ACAD10: variants seen among roughly 807,000 people sequenced by gnomAD.
ACAD10 encodes acyl-CoA dehydrogenase family member 10, also known as ACAD-10.
In ACAD10, 112 loss-of-function variants were observed where a neutral mutation model predicts 116.8. That is an observed-to-expected ratio of 0.96 (90% CI 0.82 to 1.12). The LOEUF (loss-of-function observed/expected upper bound fraction) is 1.12, where lower values mean the gene tolerates loss of function less well. Among genes scored for constraint, ACAD10 ranks in the 50% most tolerant of loss-of-function variants. ACAD10 has a pLI of 0.00. For missense variants in ACAD10, 1,259 were observed against 1,350.2 expected (o/e 0.93, Z 1.06); for synonymous variants, 486 against 510.6 (o/e 0.95, Z 0.65).
chr12:111,689,604 C>T (rs893093111), intron 1 of ACAD10, among the ~76,000 whole-genome samples: 2 of 151,730 alleles, frequency 1.3e-5, no homozygotes, highest in South Asian at 2.1e-4. Context: ...CTCGAACTCT[C>T]GACCTCAGGT....
intron 2 of ACAD10, among the ~76,000 whole-genome samples, chr12:111,694,195 A>G (rs1460685726): frequency 6.6e-6 from 1 of 152,150 alleles, no homozygotes; most frequent in Non-Finnish European, 1.5e-5. Context: ...AACTGGCTGC[A>G]CAAGCTGGTT....
chr12:111,722,587 C>CT (rs1889048440), intron 8 of ACAD10, among the ~76,000 whole-genome samples: 1 of 151,650 alleles, frequency 6.6e-6, no homozygotes, highest in African/African-American at 2.4e-5. Flanking sequence ...GGTGATGACT[C>CT]TTAACGAGCA....
At chr12:111,706,782 A>ATATTTTTTTTTT (rs778649893) in intron 4 of ACAD10, among the ~76,000 whole-genome samples, 12 of 126,502 alleles carry the variant, frequency 9.5e-5, no homozygotes, top group African/African-American at 3.5e-4. Context: ...ATATATATAT[A>ATATTTTTTTTTT]TTTTTTTTTT....
intron 2 of ACAD10, among the ~76,000 whole-genome samples, chr12:111,698,115 C>T (rs550756738): frequency 2.6e-5 from 4 of 151,790 alleles, no homozygotes; most frequent in African/African-American, 9.7e-5. Context: ...CTTCCTCAGC[C>T]TCTCGAGTAG....
In ACAD10 at chr12:111,709,619, A is replaced by G. The variant is rs367967897; in HGVS notation, c.625A>G (p.Ile209Val). 28 of 1,613,950 alleles carry G rather than the reference A, an allele frequency of 1.7e-5. No individual in the cohort carries two copies. The highest frequency in any genetic ancestry group is 2.4e-5 in the Non-Finnish European group (28 of 1,180,006). The change falls in exon 5 of 21, where the codon ATC becomes GTC. Residue 209 changes from isoleucine to valine, a missense_variant. Physicochemically the swap from Ile to Val is conservative, Grantham distance 29. Transcript: ENST00000313698. Reference protein sequence around the residue: ...EQLGLQPSESIFLDDLGTNLK... With the variant: ...EQLGLQPSESVFLDDLGTNLK... ...GCTCGGCCTGCAGCCCTCTGAGTCC[A>G]TCTTTCTTGATGACCTTGGAACAAA...
chr12:111,744,964 A>G lies in ACAD10; in HGVS notation c.2036A>G (p.Tyr679Cys), dbSNP rs1478839309. ...RLKHFMEQRVYPAEPELQSHQ... is the reference protein window; with the variant it reads ...RLKHFMEQRVCPAEPELQSHQ... ...AAGCACTTCATGGAGCAACGTGTGT[A>G]CCCTGCAGAGCCAGAGCTGCAGAGT... is the stretch of plus-strand genomic sequence containing the variant. The change falls in exon 13 of 21, where the codon TAC becomes TGC. Residue 679 changes from tyrosine to cysteine, a missense_variant. By Grantham distance (194) the Tyr-to-Cys change is radical. Coordinates refer to ENST00000313698, the MANE Select transcript of ACAD10 (RefSeq NM_025247.6). 2 of 1,614,100 alleles carry G rather than the reference A, an allele frequency of 1.2e-6. No homozygotes were observed. Among genetic ancestry groups the G allele is most frequent in the Non-Finnish European group, 1.7e-6 (2 of 1,180,026 alleles).
At chr12:111,689,254 A>G (rs1486119283) in intron 1 of ACAD10, among the ~76,000 whole-genome samples, 2 of 151,918 alleles carry the variant, frequency 1.3e-5, no homozygotes, top group Non-Finnish European at 2.9e-5. Flanking sequence ...AAATATATAT[A>G]CATGCATATA....
At position 111,748,409 on chromosome 12, in the gene ACAD10, C is replaced by T; in HGVS notation, c.2578C>T (p.Pro860Ser). Residue 860 changes from proline to serine, a missense_variant, in exon 17 of 21, where the codon CCC becomes TCC. Coordinates refer to ENST00000313698, the MANE Select transcript of ACAD10 (RefSeq NM_025247.6). ...CCGGCAGCAGTCTGTGCTCTTGGTT[C>T]CCATGGATACCCCAGGGATAAAAAT... is the stretch of plus-strand genomic sequence containing the variant. ...RHRQQSVLLV[P>S]MDTPGIKIIR... is the part of the protein sequence containing the mutation. 1 of 1,614,120 alleles carries T rather than the reference C, an allele frequency of 6.2e-7. No individual in the cohort carries two copies.
At chr12:111,739,794 A>C (rs1889677415) in intron 12 of ACAD10, among the ~76,000 whole-genome samples, 1 of 152,028 alleles carries the variant, frequency 6.6e-6, no homozygotes, top group Non-Finnish European at 1.5e-5. Context: ...AGAGACTTAA[A>C]AGATACGTTA....
At chr12:111,707,200 G>C (rs936339604) in intron 4 of ACAD10, among the ~76,000 whole-genome samples, 1 of 150,976 alleles carries the variant, frequency 6.6e-6, no homozygotes, top group Non-Finnish European at 1.5e-5. Context: ...AGCAATTCTC[G>C]TGCCTCAGCC....
At chr12:111,709,735 A>G (rs1214768546) in intron 5 of ACAD10, 51 bp downstream of exon 5, 6 of 1,510,586 alleles carry the variant, frequency 4.0e-6, no homozygotes, top group Non-Finnish European at 5.4e-6. Context: ...CCACTAATGC[A>G]ATGTTTCTCT....
At chr12:111,756,118 A>G (rs2068081680) in intron 20 of ACAD10, 2 of 1,414,952 alleles carry the variant, frequency 1.4e-6, no homozygotes, top group Admixed American at 5.9e-5. Context: ...GGCAGAAGGC[A>G]CCTGCAGAGT....
chr12:111,708,779 C>G (rs1016062662), intron 4 of ACAD10, among the ~76,000 whole-genome samples: 1 of 152,048 alleles, frequency 6.6e-6, no homozygotes, highest in African/African-American at 2.4e-5. Flanking sequence ...AAAGGACTTT[C>G]GGGGAATCAG....
At chr12:111,729,241 A>G (rs1312348901) in intron 9 of ACAD10, among the ~76,000 whole-genome samples, 3 of 151,966 alleles carry the variant, frequency 2.0e-5, no homozygotes, top group Non-Finnish European at 2.9e-5. Flanking sequence ...GAAGCACAGA[A>G]GATCTTTTTT....
chr12:111,729,596 C>A (rs1889328434), intron 9 of ACAD10, among the ~76,000 whole-genome samples: 1 of 152,160 alleles, frequency 6.6e-6, no homozygotes, highest in Admixed American at 6.5e-5. Flanking sequence ...AGCACCCAGA[C>A]CACACTAATC....
chr12:111,734,746 C>T (rs1889497563), intron 11 of ACAD10, among the ~76,000 whole-genome samples: 2 of 152,190 alleles, frequency 1.3e-5, no homozygotes, highest in Admixed American at 6.6e-5. Flanking sequence ...ATTTCAGTAT[C>T]TATCCATGTC....
chr12:111,754,403 A>C (rs1890151689), intron 19 of ACAD10, among the ~76,000 whole-genome samples: 1 of 152,154 alleles, frequency 6.6e-6, no homozygotes, highest in African/African-American at 2.4e-5. Context: ...CTGAAGCCTC[A>C]GCCTCCCAAG....
At position 111,686,118 on chromosome 12, in the gene ACAD10, T is replaced by TG. The variant is rs1593006121; in HGVS notation, c.-131dup. Reference sequence around the variant, plus strand: ...AGGACGTCGTGGAGATTGCTTGCGCTGGGGTGCCACACTTAGGCTGAGCTG... The same window carrying TG: ...AGGACGTCGTGGAGATTGCTTGCGCTGGGGGTGCCACACTTAGGCTGAGCTG... On this transcript the variant is annotated 5_prime_UTR_variant, in exon 1 of 21. Coordinates refer to ENST00000313698, the MANE Select transcript of ACAD10 (RefSeq NM_025247.6). 6 of 174,302 alleles carry TG rather than the reference T, an allele frequency of 3.4e-5. No homozygotes were observed. The East Asian group carries it at 9.2e-4, about 27-fold the overall frequency. The allele number at this position is 174,302 out of a possible 1,614,324, so 10.8% of individuals were successfully genotyped here.
chr12:111,722,205 G>C (rs1437463703), intron 8 of ACAD10, among the ~76,000 whole-genome samples: 1 of 151,954 alleles, frequency 6.6e-6, no homozygotes, highest in East Asian at 1.9e-4. Flanking sequence ...GGGATTACAG[G>C]TGCCCCCTAC....
Sources: allele counts gnomAD v4.1 joint callset (sites outside exome capture counted in the v4.1 genomes callset), GRCh38; gene constraint gnomAD v4.1.1; transcripts MANE v1.5; gene names NCBI Gene and HGNC (gene_info 2026-07-23, HGNC 2026-07-21).